CDH13: variants seen among roughly 807,000 people sequenced by gnomAD.
The protein encoded by CDH13 is cadherin 13, also known as cadherin-13.
In CDH13, 24 loss-of-function variants were observed where a neutral mutation model predicts 63.8. The ratio of observed to expected loss-of-function variants is 0.38; its 90% CI spans 0.27 to 0.53. The LOEUF is 0.53. Among genes scored for constraint, CDH13 ranks in the 20% least tolerant of loss-of-function variants. The probability of loss-of-function intolerance (pLI) is 0.85; values close to 1 mark genes in which losing one functional copy is unlikely to be tolerated. For synonymous variants in CDH13, 503 were observed against 355.3 expected (o/e 1.42, Z -4.67); for missense variants, 1,049 against 903.1 (o/e 1.16, Z -2.07).
intron 5 of CDH13, among the ~76,000 whole-genome samples, chr16:83,343,014 A>G (rs1354849939): frequency 6.6e-6 from 1 of 151,990 alleles, no homozygotes; most frequent in Non-Finnish European, 1.5e-5. Context: ...ACATAAAAGT[A>G]TAAAATTTCA....
intron 1 of CDH13, among the ~76,000 whole-genome samples, chr16:82,671,060 C>T (rs1913182860): frequency 6.6e-6 from 1 of 152,126 alleles, no homozygotes; most frequent in South Asian, 2.1e-4. Flanking sequence ...ATCCTCATGC[C>T]AGCCTTTCGT....
chr16:83,412,118 T>C (rs1036808213), intron 6 of CDH13, among the ~76,000 whole-genome samples: 44 of 152,322 alleles, frequency 2.9e-4, no homozygotes, highest in African/African-American at 8.2e-4. Context: ...AAGAACGTGC[T>C]GAATGCACCT....
At chr16:83,158,009 C>T (rs570368581) in intron 4 of CDH13, among the ~76,000 whole-genome samples, 83 of 152,260 alleles carry the variant, frequency 5.5e-4, no homozygotes, top group Non-Finnish European at 1.1e-3. Flanking sequence ...CCAACCAATG[C>T]ATGCCGTGAA....
chr16:83,570,671 T>C (rs994202522), intron 7 of CDH13, among the ~76,000 whole-genome samples: 12 of 147,714 alleles, frequency 8.1e-5, no homozygotes, highest in Non-Finnish European at 3.0e-5. Context: ...TCTCATCCTT[T>C]TATATATATA....
At chr16:83,700,822 G>C (rs1031494979) in intron 10 of CDH13, among the ~76,000 whole-genome samples, 1 of 152,096 alleles carries the variant, frequency 6.6e-6, no homozygotes, top group Admixed American at 6.5e-5. Context: ...AATATGTTTT[G>C]TTTCATTTTG....
intron 6 of CDH13, among the ~76,000 whole-genome samples, chr16:83,358,967 T>C (rs1283520501): frequency 6.6e-6 from 1 of 152,224 alleles, no homozygotes; most frequent in Non-Finnish European, 1.5e-5. Context: ...ATTCCAATAA[T>C]GCACACCATG....
intron 6 of CDH13, among the ~76,000 whole-genome samples, chr16:83,437,503 C>A (rs1357324525): frequency 6.6e-6 from 1 of 151,892 alleles, no homozygotes; most frequent in South Asian, 2.1e-4. Flanking sequence ...CAGTGAAACC[C>A]CGTCTCTACT....
rs867154108 is a variant in CDH13 at position 83,060,001 on chromosome 16, A to G, written c.366+27783A>G. 1.1e-3 allele frequency among the ~76,000 whole-genome samples: 166 copies of G among 151,908 alleles called. 1 individual carries two copies. Among genetic ancestry groups the G allele is most frequent in the African/African-American group, 3.7e-3 (155 of 41,466 alleles). ...AGTAGAGACGGGGTTTCACCGTGTT[A>G]GCCAGGGTGGTCTTGATCTCCTGAC... On this transcript the variant is annotated intron_variant, in intron 3 of 13. Coordinates refer to ENST00000567109, the MANE Select transcript of CDH13 (RefSeq NM_001257.5).
chr16:82,798,036 C>A (rs1462621572), intron 1 of CDH13, among the ~76,000 whole-genome samples: 1 of 152,154 alleles, frequency 6.6e-6, no homozygotes, highest in Admixed American at 6.5e-5. Context: ...ACACTTTCTA[C>A]CCCAGGTTGC....
intron 7 of CDH13, among the ~76,000 whole-genome samples, chr16:83,552,424 C>T (rs901849624): frequency 1.2e-4 from 19 of 152,304 alleles, no homozygotes; most frequent in Admixed American, 9.2e-4. Context: ...ACCAATTGCT[C>T]GTGCTCACAT....
At chr16:83,625,956 T>A (rs1203881874) in intron 8 of CDH13, among the ~76,000 whole-genome samples, 1 of 150,918 alleles carries the variant, frequency 6.6e-6, no homozygotes, top group Non-Finnish European at 1.5e-5. Context: ...TCCCTGGGAG[T>A]CCGATGCAGC....
intron 10 of CDH13, among the ~76,000 whole-genome samples, chr16:83,729,986 C>T (rs2150950001): frequency 6.6e-6 from 1 of 152,324 alleles, no homozygotes; most frequent in Middle Eastern, 3.4e-3. Context: ...GGGCAGCGAG[C>T]CTGCCACATG....
chr16:82,693,221 G>C (rs968209331), intron 1 of CDH13, among the ~76,000 whole-genome samples: 1 of 152,226 alleles, frequency 6.6e-6, no homozygotes, highest in African/African-American at 2.4e-5. Context: ...TTGAAGCAGA[G>C]AAGATAGCTA....
chr16:82,832,956 C>T lies in CDH13; in HGVS notation c.46-25406C>T, dbSNP rs564315450. On this transcript the variant is annotated intron_variant, in intron 1 of 13. Coordinates refer to ENST00000567109, the MANE Select transcript of CDH13 (RefSeq NM_001257.5). ...GGATTCTGATGTTGGATCCAGCCTA[C>T]ATCATAGAACTGCAGCCATGGATTA... is the stretch of plus-strand genomic sequence containing the variant. Among the ~76,000 whole-genome samples the T allele has an allele frequency of 3.3e-5, 5 of 152,290 alleles. No individual in the cohort carries two copies. In the East Asian group the frequency reaches 9.7e-4, roughly 29 times the overall value.
At chr16:83,298,066 AAAAG>A (rs1487298844) in intron 5 of CDH13, among the ~76,000 whole-genome samples, 3 of 150,244 alleles carry the variant, frequency 2.0e-5, no homozygotes, top group Non-Finnish European at 4.4e-5. Flanking sequence ...AAAAAAAAGA[AAAAG>A]AAAAAGAAAA....
chr16:82,866,151 A>G (rs2040130111), intron 2 of CDH13, among the ~76,000 whole-genome samples: 1 of 152,052 alleles, frequency 6.6e-6, no homozygotes, highest in Non-Finnish European at 1.5e-5. Context: ...ACTTCATCGT[A>G]CATATTACTA....
At chr16:82,672,044 C>G (rs9938576) in intron 1 of CDH13, among the ~76,000 whole-genome samples, 43,414 of 151,982 alleles carry the variant, frequency 0.29, 6,266 homozygotes, top group East Asian at 0.39. Context: ...ATTAGCTTCT[C>G]TTCTACACTC....
chr16:83,795,993 T>G lies in CDH13; in HGVS notation c.*963T>G, dbSNP rs1161503696. 1 of 152,638 alleles carries G rather than the reference T, an allele frequency of 6.6e-6. No homozygotes were observed. The highest frequency in any genetic ancestry group is 6.5e-5 in the Admixed American group (1 of 15,282). 9.5% of individuals were successfully genotyped at this position (152,638 alleles called of 1,614,324 possible). A position where few individuals can be genotyped will look rare whatever the true frequency, so the allele number is the denominator to read the frequency against. On this transcript the variant is annotated 3_prime_UTR_variant, in exon 14 of 14. Coordinates refer to ENST00000567109, the MANE Select transcript of CDH13 (RefSeq NM_001257.5). ...TTGTATACACATATATACCCACATGTACAGACATACATTTATGCACATTCA... is the reference window on the plus strand; with the variant it reads ...TTGTATACACATATATACCCACATGGACAGACATACATTTATGCACATTCA...
intron 4 of CDH13, among the ~76,000 whole-genome samples, chr16:83,158,433 C>T (rs557583486): frequency 2.0e-5 from 3 of 152,166 alleles, no homozygotes; most frequent in Non-Finnish European, 4.4e-5. Context: ...GCACAGGGCC[C>T]GGTGGAGGCT....
Sources: gnomAD v4.1 joint callset for allele counts (sites outside exome capture counted in the v4.1 genomes callset) on GRCh38, gnomAD v4.1.1 for gene constraint, MANE v1.5 for transcripts, NCBI Gene and HGNC (gene_info 2026-07-23, HGNC 2026-07-21) for gene names.